The following THRB variants were observed in gnomAD, a reference collection of about 807,000 sequenced individuals.
THRB encodes the protein thyroid hormone receptor beta.
THRB carries 12 observed loss-of-function variants against 47.8 expected under a neutral mutation model. The observed-to-expected ratio is 0.25, with a 90% CI of 0.16 to 0.41. THRB has a LOEUF of 0.41. Among genes scored for constraint, THRB ranks in the 10% least tolerant of loss-of-function variants. The probability of loss-of-function intolerance (pLI) is 1.00; values close to 1 mark genes in which losing one functional copy is unlikely to be tolerated. For synonymous variants in THRB, 218 were observed against 212.2 expected (o/e 1.03, Z -0.24); for missense variants, 348 against 589.2 (o/e 0.59, Z 4.24).
At chr3:24,398,737 CAAAGGATTATA>C (rs1230827854) in intron 1 of THRB, among the ~76,000 whole-genome samples, 5 of 152,118 alleles carry the variant, frequency 3.3e-5, no homozygotes, top group African/African-American at 1.2e-4. Context: ...GGTATATACC[CAAAGGATTATA>C]AATCATGCTG....
intron 5 of THRB, among the ~76,000 whole-genome samples, chr3:24,175,138 C>T (rs377619128): frequency 4.5e-4 from 69 of 152,270 alleles, no homozygotes; most frequent in African/African-American, 1.6e-3. Context: ...GATGTTTAGT[C>T]CATGAAATCC....
intron 2 of THRB, among the ~76,000 whole-genome samples, chr3:24,319,936 G>A (rs1254269127): frequency 6.6e-6 from 1 of 152,182 alleles, no homozygotes; most frequent in Non-Finnish European, 1.5e-5. Flanking sequence ...AAACAACCGA[G>A]GGCAAAGACA....
At chr3:24,161,298 T>C (rs2038774467) in intron 5 of THRB, among the ~76,000 whole-genome samples, 2 of 152,234 alleles carry the variant, frequency 1.3e-5, no homozygotes, top group Non-Finnish European at 2.9e-5. Flanking sequence ...TTGAAAAATC[T>C]ATGATTGCAT....
intron 7 of THRB, chr3:24,143,913 T>A: frequency 1.7e-6 from 1 of 605,746 alleles, no homozygotes; most frequent in Non-Finnish European, 2.9e-6. Flanking sequence ...AGAGCCAAAC[T>A]CCCCATGACC....
At chr3:24,466,349 G>A (rs1031074462) in intron 1 of THRB, among the ~76,000 whole-genome samples, 1 of 151,436 alleles carries the variant, frequency 6.6e-6, no homozygotes, top group East Asian at 1.9e-4. Context: ...GATATGGTTG[G>A]GCAGAATTGA....
In THRB at chr3:24,434,586, T is replaced by C. The variant is rs546600766; in HGVS notation, c.-261+60066A>G. 6.2e-4 allele frequency among the ~76,000 whole-genome samples: 94 copies of C among 152,328 alleles called. 1 individual carries two copies. The highest frequency in any genetic ancestry group is 1.1e-3 in the Non-Finnish European group (72 of 68,028). ...CTTTAAATGCAAACATTCCTACTGA[T>C]TTGAACTCAGCATAGGGTGGGATGT... On this transcript the variant is annotated intron_variant, in intron 1 of 10. Transcript: ENST00000646209.
intron 4 of THRB, among the ~76,000 whole-genome samples, chr3:24,213,923 C>T (rs1462948680): frequency 6.6e-6 from 1 of 152,130 alleles, no homozygotes; most frequent in Non-Finnish European, 1.5e-5. Context: ...GTGCATTTGG[C>T]CTGCAGATAT....
chr3:24,229,055 A>G, intron 3 of THRB, 54 bp from the exon 4 acceptor site: 1 of 1,102,488 alleles, frequency 9.1e-7, no homozygotes, highest in Non-Finnish European at 1.4e-6. Flanking sequence ...ATTTTCCATA[A>G]TGGTTTTGTT....
At chr3:24,487,570 C>T (rs1697497430) in intron 1 of THRB, among the ~76,000 whole-genome samples, 1 of 152,148 alleles carries the variant, frequency 6.6e-6, no homozygotes, top group Non-Finnish European at 1.5e-5. Context: ...AGAAGAGGAT[C>T]TGTCAACATA....
intron 3 of THRB, among the ~76,000 whole-genome samples, chr3:24,275,986 G>A (rs1395366929): frequency 1.3e-5 from 2 of 151,614 alleles, no homozygotes; most frequent in African/African-American, 2.4e-5. Flanking sequence ...AAACTGAAAT[G>A]TCCAGGGACT....
rs564999159 is a variant in THRB, at chr3:24,270,003, A to G, written c.-43+27223T>C. ...GTATTTGAGCATCAAAAATTAAACT[A>G]TGCTATTTAAGGTTTTACAAATAGT... On this transcript the variant is annotated intron_variant, in intron 3 of 10. Coordinates refer to ENST00000646209, the MANE Select transcript of THRB (RefSeq NM_001354712.2). Among the ~76,000 whole-genome samples, 11 of 152,264 alleles carry G rather than the reference A, an allele frequency of 7.2e-5. No individual in the cohort carries two copies. The South Asian group carries it at 1.7e-3, about 23-fold the overall frequency.
chr3:24,424,002 C>A (rs2069518003), intron 1 of THRB, among the ~76,000 whole-genome samples: 1 of 151,886 alleles, frequency 6.6e-6, no homozygotes, highest in Non-Finnish European at 1.5e-5. Context: ...TACTGAGAAT[C>A]ATCAAAGCAT....
At chr3:24,307,743 G>T (rs1559888313) in intron 2 of THRB, among the ~76,000 whole-genome samples, 1 of 152,136 alleles carries the variant, frequency 6.6e-6, no homozygotes, top group Non-Finnish European at 1.5e-5. Context: ...ACTGCAAATT[G>T]CTGTTCCAAA....
intron 5 of THRB, among the ~76,000 whole-genome samples, chr3:24,164,682 T>C (rs939572783): frequency 2.6e-5 from 4 of 152,150 alleles, no homozygotes; most frequent in Non-Finnish European, 4.4e-5. Flanking sequence ...GAGAATTATC[T>C]CACTTCAAAC....
chr3:24,284,211 T>C lies in THRB; in HGVS notation c.-43+13015A>G, dbSNP rs370621275. 1.3e-3 allele frequency among the ~76,000 whole-genome samples: 189 copies of C among 151,052 alleles called. 2 individuals carry two copies. In the East Asian group the frequency reaches 0.033, roughly 27 times the overall value. On this transcript the variant is annotated intron_variant, in intron 3 of 10. Transcript: ENST00000646209. ...CAAGGCTACAGTAACCAAAACAGCA[T>C]GGTACTGGTACCAAAACAGAGATAT... is the stretch of plus-strand genomic sequence containing the variant.
At chr3:24,223,310 G>A (rs186412952) in intron 4 of THRB, among the ~76,000 whole-genome samples, 7 of 152,236 alleles carry the variant, frequency 4.6e-5, no homozygotes, top group Admixed American at 3.3e-4. Context: ...TCATTCCTGC[G>A]TCTAATTAAA....
At chr3:24,164,504 T>C (rs2039354098) in intron 5 of THRB, among the ~76,000 whole-genome samples, 1 of 152,172 alleles carries the variant, frequency 6.6e-6, no homozygotes, top group Non-Finnish European at 1.5e-5. Context: ...AATAAATACA[T>C]TAAAATGAAC....
chr3:24,141,508 A>G (rs751596977), intron 8 of THRB, among the ~76,000 whole-genome samples: 46 of 152,052 alleles, frequency 3.0e-4, no homozygotes, highest in Non-Finnish European at 5.1e-4. Flanking sequence ...ACTTACCACT[A>G]CCTGCATTTA....
chr3:24,308,703 C>G (rs2057532277), intron 2 of THRB, among the ~76,000 whole-genome samples: 2 of 152,086 alleles, frequency 1.3e-5, no homozygotes, highest in African/African-American at 4.8e-5. Context: ...TTTAAATACA[C>G]CATAGTTAAC....
Sources: gnomAD v4.1 joint callset for allele counts (sites outside exome capture counted in the v4.1 genomes callset) on GRCh38, gnomAD v4.1.1 for gene constraint, MANE v1.5 for transcripts, NCBI Gene and HGNC (gene_info 2026-07-23, HGNC 2026-07-21) for gene names.